MOB3B: variants seen among roughly 807,000 people sequenced by gnomAD.
MOB3B encodes the protein MOB kinase activator-like 2B.
Under a neutral mutation model 18.7 loss-of-function variants are expected in MOB3B, and 7 were observed. That is an observed-to-expected ratio of 0.37 (90% CI 0.21 to 0.70). MOB3B has a LOEUF of 0.70. MOB3B is among the 30% of genes least tolerant of loss of function. The probability of loss-of-function intolerance (pLI) is 0.52; values close to 1 mark genes in which losing one functional copy is unlikely to be tolerated. For missense variants in MOB3B, 253 were observed against 281.3 expected, an observed-to-expected ratio of 0.90 and a Z score of 0.72; for synonymous variants, 111 against 99.9, an observed-to-expected ratio of 1.11 and a Z score of -0.66.
intron 1 of MOB3B, among the ~76,000 whole-genome samples, chr9:27,465,774 C>T (rs1819374486): frequency 6.6e-6 from 1 of 152,216 alleles, no homozygotes; most frequent in South Asian, 2.1e-4. Flanking sequence ...ACTGCCAAGG[C>T]CTGGGGCTTC....
At chr9:27,401,832 T>TA (rs1159506891) in intron 2 of MOB3B, among the ~76,000 whole-genome samples, 1 of 152,216 alleles carries the variant, frequency 6.6e-6, no homozygotes, top group East Asian at 1.9e-4. Flanking sequence ...TGAAATCAGA[T>TA]TTTGAAACAT....
chr9:27,369,891 G>A (rs770308311), intron 2 of MOB3B, among the ~76,000 whole-genome samples: 3 of 150,250 alleles, frequency 2.0e-5, no homozygotes, highest in Non-Finnish European at 4.4e-5. Flanking sequence ...CATAACACCC[G>A]CTGCTTCTTC....
At chr9:27,425,383 A>AC (rs58125568) in intron 2 of MOB3B, among the ~76,000 whole-genome samples, 25,818 of 143,856 alleles carry the variant, frequency 0.18, 2,595 homozygotes, top group Middle Eastern at 0.24. Context: ...CAAAAAAAAA[A>AC]AAAAAACAAA....
chr9:27,515,287 T>C (rs138745522), intron 1 of MOB3B, among the ~76,000 whole-genome samples: 1 of 152,226 alleles, frequency 6.6e-6, no homozygotes, highest in Non-Finnish European at 1.5e-5. Flanking sequence ...ATTTTGAGAA[T>C]GAAAATGGCT....
Position 27,440,708 on chromosome 9 carries a change from T to G in MOB3B, c.418+14425A>C, listed in dbSNP as rs192136038. On this transcript the variant is annotated intron_variant, in intron 2 of 3. Transcript: ENST00000262244. ...GCTCATTAGGTTAGGGTGAACATAG[T>G]GCTAAGGAAATCAGAAGATTCATTT... 2.0e-5 allele frequency among the ~76,000 whole-genome samples: 3 copies of G among 151,196 alleles called. No homozygotes were observed. The East Asian group carries it at 5.8e-4, about 29-fold the overall frequency.
intron 2 of MOB3B, among the ~76,000 whole-genome samples, chr9:27,407,539 T>A (rs552635494): frequency 3.3e-5 from 5 of 152,246 alleles, no homozygotes; most frequent in African/African-American, 1.2e-4. Context: ...CTTGATTTTA[T>A]GGTGGGCAGG....
intron 2 of MOB3B, among the ~76,000 whole-genome samples, chr9:27,409,297 C>A (rs893544798): frequency 2.0e-5 from 3 of 152,186 alleles, no homozygotes; most frequent in Admixed American, 6.5e-5. Context: ...TGCTTGGCCC[C>A]AGAGCTAGAC....
chr9:27,483,602 T>C (rs903492608), intron 1 of MOB3B, among the ~76,000 whole-genome samples: 4 of 152,210 alleles, frequency 2.6e-5, no homozygotes, highest in African/African-American at 9.7e-5. Flanking sequence ...TAATCATAAA[T>C]TGAATGACAT....
intron 2 of MOB3B, among the ~76,000 whole-genome samples, chr9:27,393,189 T>C (rs968809794): frequency 6.6e-6 from 1 of 152,172 alleles, no homozygotes; most frequent in African/African-American, 2.4e-5. Context: ...ATCCTTGCTA[T>C]AGGTGTTTAA....
chr9:27,345,748 C>T (rs566280556), intron 3 of MOB3B, among the ~76,000 whole-genome samples: 4 of 152,216 alleles, frequency 2.6e-5, no homozygotes, highest in African/African-American at 4.8e-5. Context: ...ACCTGAGTCG[C>T]TCAACTATGT....
chr9:27,455,219 G>A lies in MOB3B; in HGVS notation c.332C>T (p.Ala111Val), dbSNP rs755115358. 27 of 1,613,986 alleles carry A rather than the reference G, an allele frequency of 1.7e-5. No individual in the cohort carries two copies. Among genetic ancestry groups the A allele is most frequent in the Admixed American group, 5.0e-5 (3 of 60,000 alleles). Residue 111 changes from alanine to valine, a missense_variant, in exon 2 of 4, where the codon GCG (alanine) becomes GTG (valine). Transcript: ENST00000262244. ...QDDLKYKKPTALPAPQYMNLL... is the reference protein window; with the variant it reads ...QDDLKYKKPTVLPAPQYMNLL... ...GTTCATGTACTGGGGAGCTGGCAGC[G>A]CTGTTGGCTTCTTATACTTGAGATC...
At chr9:27,523,555 T>C (rs1330034089) in intron 1 of MOB3B, among the ~76,000 whole-genome samples, 7 of 151,660 alleles carry the variant, frequency 4.6e-5, no homozygotes, top group African/African-American at 1.7e-4. Flanking sequence ...TAAAACCCCC[T>C]CCAGGACTTT....
At position 27,360,433 on chromosome 9, in the gene MOB3B, AG is replaced by A. The variant is rs1821258190; in HGVS notation, c.419-1198del. ...GCCAGGGGAATTGCTTGAACCTGGG[AG>A]GTGGAGGTTGCAGTGAGCCAAGATT... On this transcript the variant is annotated intron_variant, in intron 2 of 3. Coordinates refer to ENST00000262244, the MANE Select transcript of MOB3B (RefSeq NM_024761.5). Among the ~76,000 whole-genome samples, 7 of 152,322 alleles carry A rather than the reference AG, an allele frequency of 4.6e-5. No individual in the cohort carries two copies. The South Asian group carries it at 1.5e-3, about 32-fold the overall frequency.
chr9:27,338,379 A>T (rs1820892428), intron 3 of MOB3B, among the ~76,000 whole-genome samples: 1 of 152,134 alleles, frequency 6.6e-6, no homozygotes, highest in Non-Finnish European at 1.5e-5. Context: ...GGGTGTGATG[A>T]AAGAGAGATA....
At chr9:27,524,745 G>A in intron 1 of MOB3B, 1 of 1,613,978 alleles carries the variant, frequency 6.2e-7, no homozygotes. Flanking sequence ...GAATGAAAAT[G>A]AAGACATGAA....
chr9:27,509,541 C>G (rs185229019), intron 1 of MOB3B, among the ~76,000 whole-genome samples: 1 of 147,652 alleles, frequency 6.8e-6, no homozygotes, highest in East Asian at 2.0e-4. Context: ...CTCAGCCTCC[C>G]GAGTAGCTGG....
At chr9:27,366,148 A>G (rs1345562801) in intron 2 of MOB3B, among the ~76,000 whole-genome samples, 1 of 152,168 alleles carries the variant, frequency 6.6e-6, no homozygotes, top group Non-Finnish European at 1.5e-5. Context: ...TCTGTTGCTC[A>G]TGAAGCCTTG....
chr9:27,446,821 T>C (rs1367947328), intron 2 of MOB3B, among the ~76,000 whole-genome samples: 1 of 152,180 alleles, frequency 6.6e-6, no homozygotes, highest in Non-Finnish European at 1.5e-5. Flanking sequence ...ATTATGCTAG[T>C]AAAATCATCA....
chr9:27,357,121 A>AAT (rs56064443), intron 3 of MOB3B, among the ~76,000 whole-genome samples: 17,568 of 62,972 alleles, frequency 0.28, 4,506 homozygotes, highest in Non-Finnish European at 0.39. Flanking sequence ...GAGTAATGCA[A>AAT]ATATATATAT....
Sources: allele counts gnomAD v4.1 joint callset (sites outside exome capture counted in the v4.1 genomes callset), GRCh38; gene constraint gnomAD v4.1.1; transcripts MANE v1.5; gene names NCBI Gene and HGNC (gene_info 2026-07-23, HGNC 2026-07-21).